Variants in SLC25A13 observed in about 807,000 individuals in gnomAD.
SLC25A13 encodes solute carrier family 25 member 13, also known as electrogenic aspartate/glutamate antiporter SLC25A13, mitochondrial.
In SLC25A13, 70 loss-of-function variants were observed where a neutral mutation model predicts 85.5. That is an observed-to-expected ratio of 0.82 (90% CI 0.68 to 1.00). The LOEUF (loss-of-function observed/expected upper bound fraction) is 1.00. Ranked by LOEUF, SLC25A13 falls within the 50% of genes least tolerant of loss-of-function variation. SLC25A13 has a pLI of 0.00. For synonymous variants in SLC25A13, 259 were observed against 288.7 expected, an observed-to-expected ratio of 0.90 and a Z score of 1.04; for missense variants, 765 against 819.8, an observed-to-expected ratio of 0.93 and a Z score of 0.82.
At chr7:96,191,382 T>A (rs917897122) in intron 6 of SLC25A13, 135 bp from the exon 7 acceptor site, 10 of 969,336 alleles carry the variant, frequency 1.0e-5, no homozygotes, top group Non-Finnish European at 1.5e-5. Context: ...TAAGTATTTT[T>A]CTTTTGCATT....
At chr7:96,227,388 T>G (rs1371254823) in intron 4 of SLC25A13, among the ~76,000 whole-genome samples, 1 of 152,208 alleles carries the variant, frequency 6.6e-6, no homozygotes, top group African/African-American at 2.4e-5. Flanking sequence ...ATTATACATA[T>G]TCAAGGCAAT....
chr7:96,315,987 G>C (rs1006281380), intron 1 of SLC25A13, among the ~76,000 whole-genome samples: 1 of 152,056 alleles, frequency 6.6e-6, no homozygotes, highest in African/African-American at 2.4e-5. Flanking sequence ...AGCTGGGTGT[G>C]GTGGTGTGTG....
chr7:96,286,453 G>A (rs866887689), intron 2 of SLC25A13, among the ~76,000 whole-genome samples: 4 of 152,150 alleles, frequency 2.6e-5, no homozygotes, highest in South Asian at 4.2e-4. Context: ...TGTATGTGTT[G>A]TTTTCTTTGC....
At chr7:96,129,829 C>T (rs1025453014) in intron 15 of SLC25A13, among the ~76,000 whole-genome samples, 26 of 152,162 alleles carry the variant, frequency 1.7e-4, no homozygotes, top group African/African-American at 5.6e-4. Context: ...GGTAGTCTGA[C>T]CCCACAGGCA....
intron 2 of SLC25A13, among the ~76,000 whole-genome samples, 169 bp downstream of exon 2, chr7:96,296,729 C>A (rs963122406): frequency 6.6e-6 from 1 of 152,184 alleles, no homozygotes; most frequent in Non-Finnish European, 1.5e-5. Context: ...GATCCACCCA[C>A]CTCAGCCTCC....
rs1315096220 is a variant in SLC25A13 at position 96,120,622 on chromosome 7, C to T, written c.*569G>A. Reference sequence around the variant, plus strand: ...TAACAATATGATTACTAAACATCTCCAATGTGGTTTTCATTACAAAGAAAC... The same window carrying T: ...TAACAATATGATTACTAAACATCTCTAATGTGGTTTTCATTACAAAGAAAC... On this transcript the variant is annotated 3_prime_UTR_variant, in exon 18 of 18. Transcript: ENST00000265631. The T allele has an allele frequency of 1.3e-5, 6 of 454,484 alleles. No individual in the cohort carries two copies. Among genetic ancestry groups the T allele is most frequent in the South Asian group, 9.3e-5 (6 of 64,466 alleles). 28.2% of individuals were successfully genotyped at this position (454,484 alleles called of 1,614,324 possible).
chr7:96,132,612 A>G (rs991066922), intron 14 of SLC25A13, among the ~76,000 whole-genome samples: 7 of 152,230 alleles, frequency 4.6e-5, no homozygotes, highest in African/African-American at 1.7e-4. Flanking sequence ...CGAATTGATG[A>G]GTGCCCAGAA....
At chr7:96,169,956 A>G (rs1030396094) in intron 13 of SLC25A13, 89 bp downstream of exon 13, 3 of 1,327,996 alleles carry the variant, frequency 2.3e-6, no homozygotes, top group African/African-American at 2.9e-5. Flanking sequence ...GTGGTTAAAC[A>G]GAAGCCTTAG....
intron 4 of SLC25A13, among the ~76,000 whole-genome samples, chr7:96,214,539 CAACAGGGTG>C (rs1795815404): frequency 1.3e-5 from 2 of 152,224 alleles, no homozygotes; most frequent in South Asian, 4.2e-4. Flanking sequence ...CCAGCCTGGC[CAACAGGGTG>C]AAACCCCATC....
intron 5 of SLC25A13, among the ~76,000 whole-genome samples, chr7:96,201,725 A>G (rs1455049653): frequency 6.6e-6 from 1 of 152,170 alleles, no homozygotes; most frequent in Admixed American, 6.5e-5. Flanking sequence ...TCGCTTATTA[A>G]TTCTAAAGCT....
intron 14 of SLC25A13, among the ~76,000 whole-genome samples, chr7:96,134,025 G>T (rs924760843): frequency 4.4e-4 from 63 of 142,448 alleles, no homozygotes; most frequent in African/African-American, 1.5e-3. Flanking sequence ...TTCATTTGTT[G>T]TTTTTTTTTT....
chr7:96,171,400 A>G (rs1224104433), intron 12 of SLC25A13, 72 bp downstream of exon 12: 2 of 1,398,666 alleles, frequency 1.4e-6, no homozygotes, highest in Non-Finnish European at 1.0e-6. Context: ...GCTGTTTCCT[A>G]TAAGAATACC....
rs1488839902 is a variant in SLC25A13 at position 96,121,635 on chromosome 7, A to C, written c.1841+20T>G. ...TTAGCAGCAGCCAAAATTTAGCAGC[A>C]GATTTAGCATGATACTTACACTCCT... On this transcript the variant is annotated intron_variant, in intron 17 of 17. Coordinates refer to ENST00000265631, the MANE Select transcript of SLC25A13 (RefSeq NM_014251.3). 1.2e-6 allele frequency: 2 copies of C among 1,613,016 alleles called. No homozygotes were observed. Among genetic ancestry groups the C allele is most frequent in the South Asian group, 2.2e-5 (2 of 91,056 alleles).
At chr7:96,206,197 A>G (rs1473463443) in intron 5 of SLC25A13, among the ~76,000 whole-genome samples, 1 of 152,190 alleles carries the variant, frequency 6.6e-6, no homozygotes, top group African/African-American at 2.4e-5. Flanking sequence ...GCACAGTGGC[A>G]GCTTGTTCAC....
chr7:96,260,015 G>A (rs544463121), intron 3 of SLC25A13, among the ~76,000 whole-genome samples: 43 of 149,908 alleles, frequency 2.9e-4, no homozygotes, highest in African/African-American at 1.0e-3. Flanking sequence ...GAGAACATAT[G>A]CGCACAAGGA....
At chr7:96,148,670 C>T (rs561997984) in intron 13 of SLC25A13, among the ~76,000 whole-genome samples, 2 of 152,258 alleles carry the variant, frequency 1.3e-5, no homozygotes, top group South Asian at 2.1e-4. Flanking sequence ...TAGCCTGAAG[C>T]CTGATTTTTT....
At chr7:96,136,122 C>T (rs1792276929) in intron 14 of SLC25A13, among the ~76,000 whole-genome samples, 1 of 152,126 alleles carries the variant, frequency 6.6e-6, no homozygotes, top group Non-Finnish European at 1.5e-5. Context: ...ACCCTCAGAT[C>T]TAGTTTAATT....
At chr7:96,156,824 G>A (rs2116521795) in intron 13 of SLC25A13, among the ~76,000 whole-genome samples, 1 of 152,240 alleles carries the variant, frequency 6.6e-6, no homozygotes, top group Admixed American at 6.5e-5. Flanking sequence ...TGGGATTACA[G>A]GCATGATACA....
At chr7:96,200,155 T>G (rs1795200481) in intron 5 of SLC25A13, among the ~76,000 whole-genome samples, 1 of 152,112 alleles carries the variant, frequency 6.6e-6, no homozygotes, top group South Asian at 2.1e-4. Flanking sequence ...TTTAACAAAA[T>G]CTAAAATATT....
Sources: gnomAD v4.1 joint callset for allele counts (sites outside exome capture counted in the v4.1 genomes callset) on GRCh38, gnomAD v4.1.1 for gene constraint, MANE v1.5 for transcripts, NCBI Gene and HGNC (gene_info 2026-07-23, HGNC 2026-07-21) for gene names.